Variants in PPARGC1A observed in about 807,000 individuals in gnomAD.
PPARGC1A encodes the protein PPARG coactivator 1 alpha.
Under a neutral mutation model 88.7 loss-of-function variants are expected in PPARGC1A, and 25 were observed. The observed-to-expected ratio is 0.28, with a 90% CI of 0.21 to 0.39. The LOEUF is 0.39. Among genes scored for constraint, PPARGC1A ranks in the 10% least tolerant of loss-of-function variants. The pLI, the probability that PPARGC1A is intolerant of heterozygous loss-of-function variation, is 1.00. For synonymous variants in PPARGC1A, 363 were observed against 355.6 expected (o/e 1.02, Z -0.24); for missense variants, 880 against 968.7 (o/e 0.91, Z 1.22).
chr4:23,905,172 C>A (rs745804645), upstream of PPARGC1A, among the ~76,000 whole-genome samples: 3 of 152,168 alleles, frequency 2.0e-5, no homozygotes, highest in African/African-American at 7.2e-5. Flanking sequence ...TAACTATTGA[C>A]AACTTTATGG....
At chr4:24,110,546 G>A in the PPARGC1A span, among the ~76,000 whole-genome samples, 1 of 152,186 alleles carries the variant, frequency 6.6e-6, no homozygotes, top group Non-Finnish European at 1.5e-5. Flanking sequence ...AGGCCCAGGT[G>A]TTGGTAGCCA....
At chr4:24,185,396 T>C in the PPARGC1A span, among the ~76,000 whole-genome samples, 4 of 152,198 alleles carry the variant, frequency 2.6e-5, no homozygotes, top group Non-Finnish European at 4.4e-5. Flanking sequence ...CTTGGAATTT[T>C]CCTAAAAGAA....
At chr4:24,036,084 T>C in the PPARGC1A span, among the ~76,000 whole-genome samples, 2 of 152,250 alleles carry the variant, frequency 1.3e-5, no homozygotes, top group African/African-American at 4.8e-5. Context: ...GGCAAGTTAC[T>C]GTGCCTCAAT....
intron 12 of PPARGC1A, among the ~76,000 whole-genome samples, chr4:23,797,277 A>G (rs756363197): frequency 6.6e-6 from 1 of 152,154 alleles, no homozygotes; most frequent in Non-Finnish European, 1.5e-5. Flanking sequence ...GCTTCTCTTC[A>G]TAGGCTAATG....
chr4:23,968,776 G>A, the PPARGC1A span, among the ~76,000 whole-genome samples: 1 of 151,998 alleles, frequency 6.6e-6, no homozygotes, highest in Non-Finnish European at 1.5e-5. Flanking sequence ...TTAGCTGGGT[G>A]TGGTGGTGGG....
At chr4:24,321,787 G>A in the PPARGC1A span, among the ~76,000 whole-genome samples, 1 of 152,222 alleles carries the variant, frequency 6.6e-6, no homozygotes, top group African/African-American at 2.4e-5. Flanking sequence ...TATTTCAGCT[G>A]ACTGCTATTT....
chr4:24,148,303 G>A, the PPARGC1A span, among the ~76,000 whole-genome samples: 1 of 152,006 alleles, frequency 6.6e-6, no homozygotes, highest in African/African-American at 2.4e-5. Context: ...GGCTCCTAAG[G>A]GCTATCCACA....
intron 2 of PPARGC1A, among the ~76,000 whole-genome samples, chr4:23,870,934 C>T (rs879710777): frequency 1.3e-5 from 2 of 151,214 alleles, no homozygotes; most frequent in Non-Finnish European, 2.9e-5. Flanking sequence ...AAAGTGGTAT[C>T]CGTGTTTTTT....
At chr4:24,250,331 G>A in the PPARGC1A span, among the ~76,000 whole-genome samples, 2 of 152,186 alleles carry the variant, frequency 1.3e-5, no homozygotes. Flanking sequence ...CTTCAAATAA[G>A]TTGATAGGAA....
chr4:24,331,492 G>A, the PPARGC1A span, among the ~76,000 whole-genome samples: 72 of 152,244 alleles, frequency 4.7e-4, 1 homozygote, highest in Middle Eastern at 0.014. Context: ...GTTCCAGAAG[G>A]ACAGAACATG....
At chr4:24,156,506 C>A in the PPARGC1A span, among the ~76,000 whole-genome samples, 6 of 152,094 alleles carry the variant, frequency 3.9e-5, no homozygotes, top group Non-Finnish European at 5.9e-5. Flanking sequence ...GAAGATCAAT[C>A]ACTCGTGGAA....
the PPARGC1A span, among the ~76,000 whole-genome samples, chr4:24,200,873 G>A: frequency 2.0e-5 from 3 of 152,080 alleles, no homozygotes; most frequent in Non-Finnish European, 4.4e-5. Context: ...GACCTCATTT[G>A]TATTGAAGTG....
chr4:24,470,194 C>T, the PPARGC1A span, among the ~76,000 whole-genome samples: 1 of 151,460 alleles, frequency 6.6e-6, no homozygotes, highest in Admixed American at 6.6e-5. The surrounding 1 kb of genome is among the most constrained non-coding windows in gnomAD (Gnocchi z 5.8). Flanking sequence ...GGGCTTGTAC[C>T]GGGTGCGTGG....
the PPARGC1A span, among the ~76,000 whole-genome samples, chr4:24,251,428 C>T: frequency 6.6e-6 from 1 of 152,204 alleles, no homozygotes; most frequent in African/African-American, 2.4e-5. Flanking sequence ...TAAATCATCC[C>T]TTACCTCAAG....
chr4:24,390,478 A>C, the PPARGC1A span, among the ~76,000 whole-genome samples: 4 of 152,130 alleles, frequency 2.6e-5, no homozygotes, highest in Non-Finnish European at 5.9e-5. Context: ...CCACAACCCC[A>C]AAATAAAGTC....
At chr4:23,882,272 C>A (rs1472129552) in intron 2 of PPARGC1A, 1 of 152,154 alleles carries the variant, frequency 6.6e-6, no homozygotes, top group Non-Finnish European at 1.5e-5. Context: ...CCAGGCATCC[C>A]GATATCGTTA....
At chr4:24,418,607 A>AC in the PPARGC1A span, among the ~76,000 whole-genome samples, 2 of 152,212 alleles carry the variant, frequency 1.3e-5, no homozygotes, top group East Asian at 3.9e-4. Context: ...CCAGGTATGA[A>AC]CCTAGCTACA....
the PPARGC1A span, among the ~76,000 whole-genome samples, chr4:24,411,336 A>C: frequency 7.9e-5 from 12 of 152,206 alleles, no homozygotes; most frequent in African/African-American, 2.4e-4. Flanking sequence ...AGCAGGTATC[A>C]CTAACATTAT....
chr4:23,871,480 G>C (rs1713350250), intron 2 of PPARGC1A, among the ~76,000 whole-genome samples: 1 of 152,236 alleles, frequency 6.6e-6, no homozygotes, highest in African/African-American at 2.4e-5. Context: ...CTCTTCTCCA[G>C]TGGGAATAGG....
Sources: gnomAD v4.1 joint callset for allele counts (sites outside exome capture counted in the v4.1 genomes callset) on GRCh38, gnomAD v4.1.1 for gene constraint, Gnocchi (gnomAD v3.1) non-coding constraint, MANE v1.5 for transcripts, NCBI Gene and HGNC (gene_info 2026-07-23, HGNC 2026-07-21) for gene names.